Variants in GRM8 observed in about 807,000 individuals in gnomAD.
GRM8 encodes metabotropic glutamate receptor 8.
GRM8 carries 47 observed loss-of-function variants against 87.2 expected under a neutral mutation model. The observed-to-expected ratio is 0.54, with a 90% CI of 0.43 to 0.69. GRM8 has a LOEUF of 0.69. Among genes scored for constraint, GRM8 ranks in the 30% least tolerant of loss-of-function variants. The pLI is 0.00. For synonymous variants in GRM8, 396 were observed against 404.5 expected (o/e 0.98, Z 0.25); for missense variants, 1,019 against 1,139.2 (o/e 0.89, Z 1.52).
At chr7:127,010,892 AAGAG>A (rs899875753) in intron 3 of GRM8, among the ~76,000 whole-genome samples, 8 of 152,096 alleles carry the variant, frequency 5.3e-5, no homozygotes, top group African/African-American at 1.4e-4. Context: ...TAATGAAAGA[AAGAG>A]AAAGAGGAGC....
At chr7:126,940,805 T>G (rs1806840378) in intron 3 of GRM8, among the ~76,000 whole-genome samples, 2 of 152,192 alleles carry the variant, frequency 1.3e-5, no homozygotes, top group African/African-American at 4.8e-5. Context: ...GCTTTTGGAT[T>G]TGTCCAGCTG....
At chr7:126,974,958 A>C (rs1013094838) in intron 3 of GRM8, among the ~76,000 whole-genome samples, 1 of 150,008 alleles carries the variant, frequency 6.7e-6, no homozygotes, top group Non-Finnish European at 1.5e-5. Context: ...AAAAAAAAAA[A>C]AAAAAAAAAA....
chr7:127,098,522 AC>A (rs1356855374), intron 3 of GRM8, among the ~76,000 whole-genome samples: 3 of 152,122 alleles, frequency 2.0e-5, no homozygotes, highest in Non-Finnish European at 2.9e-5. Context: ...ATCAGTGAAC[AC>A]GTTTCAATTG....
intron 9 of GRM8, among the ~76,000 whole-genome samples, chr7:126,527,991 G>T (rs1231934178): frequency 6.6e-6 from 1 of 152,170 alleles, no homozygotes; most frequent in East Asian, 1.9e-4. Context: ...GGATCATGAG[G>T]TCAAGAGATT....
chr7:126,475,504 T>C (rs1429317090), intron 9 of GRM8, among the ~76,000 whole-genome samples: 7 of 152,034 alleles, frequency 4.6e-5, no homozygotes, highest in Non-Finnish European at 8.8e-5. Flanking sequence ...TGTTCATGAA[T>C]TGGAATAATT....
At chr7:127,184,114 A>G (rs913992127) in intron 2 of GRM8, among the ~76,000 whole-genome samples, 5 of 151,894 alleles carry the variant, frequency 3.3e-5, no homozygotes, top group African/African-American at 1.2e-4. Context: ...AATTTCCACT[A>G]TCTCTTACAG....
chr7:126,979,365 C>T (rs935386379), intron 3 of GRM8, among the ~76,000 whole-genome samples: 1 of 152,130 alleles, frequency 6.6e-6, no homozygotes, highest in Non-Finnish European at 1.5e-5. Context: ...AAATTAGATA[C>T]ACATGATAAA....
At position 126,800,675 on chromosome 7, in the gene GRM8, A is replaced by AGT. The variant is rs1353373251; in HGVS notation, c.1157-30612_1157-30611dup. ...CCCAGCCAATAATTTGGGGAGAAAAAGTGTTCAATCCTTTTCTCAAATGTA... is the reference window on the plus strand; with the variant it reads ...CCCAGCCAATAATTTGGGGAGAAAAAGTGTGTTCAATCCTTTTCTCAAATGTA... On this transcript the variant is annotated intron_variant, in intron 6 of 10. Coordinates refer to ENST00000339582, the MANE Select transcript of GRM8 (RefSeq NM_000845.3). 2.6e-5 allele frequency among the ~76,000 whole-genome samples: 4 copies of AGT among 152,238 alleles called. No homozygotes were observed. In the East Asian group the frequency reaches 5.8e-4, roughly 22 times the overall value.
Position 126,533,262 on chromosome 7 carries a change from A to T in GRM8, c.2120T>A (p.Leu707His). The change falls in exon 9 of 11, where the codon CTC (leucine) becomes CAC (histidine). Residue 707 changes from leucine (L) to histidine (H), a missense_variant. Leu to His is a moderately conservative substitution (Grantham distance 99, BLOSUM62 -3). Coordinates refer to ENST00000339582, the MANE Select transcript of GRM8 (RefSeq NM_000845.3). Reference sequence around the variant, plus strand: ...AACAAACCAGACAAACACTCCAAGGAGCTGGACGGAGATGAGGCTGAAGGT... The same window carrying T: ...AACAAACCAGACAAACACTCCAAGGTGCTGGACGGAGATGAGGCTGAAGGT... ...VITFSLISVQLLGVFVWFVVD... is the reference protein window; with the variant it reads ...VITFSLISVQHLGVFVWFVVD... 6.2e-7 allele frequency: 1 copy of T among 1,613,618 alleles called. No homozygotes were observed. Among genetic ancestry groups the T allele is most frequent in the Non-Finnish European group, 8.5e-7 (1 of 1,179,930 alleles).
chr7:126,475,363 A>G (rs1026191031), intron 9 of GRM8, among the ~76,000 whole-genome samples: 3 of 152,110 alleles, frequency 2.0e-5, no homozygotes, highest in Admixed American at 2.0e-4. Context: ...AAAAAATTCT[A>G]TGTGCCATCA....
At chr7:126,596,401 A>G (rs1462491753) in intron 8 of GRM8, among the ~76,000 whole-genome samples, 2 of 152,114 alleles carry the variant, frequency 1.3e-5, no homozygotes, top group Non-Finnish European at 2.9e-5. Context: ...CATTTCTCTA[A>G]TGATTAGTAA....
At chr7:126,623,560 C>T (rs1186359408) in intron 7 of GRM8, among the ~76,000 whole-genome samples, 1 of 152,166 alleles carries the variant, frequency 6.6e-6, no homozygotes, top group Non-Finnish European at 1.5e-5. Context: ...ATTTCAGCAG[C>T]CACTGCTCCC....
intron 2 of GRM8, among the ~76,000 whole-genome samples, chr7:127,120,512 T>C (rs1466443709): frequency 6.6e-6 from 1 of 152,178 alleles, no homozygotes; most frequent in Non-Finnish European, 1.5e-5. Flanking sequence ...CCAGACCTAC[T>C]GAATGAGACT....
At chr7:127,166,499 G>A (rs1001964022) in intron 2 of GRM8, among the ~76,000 whole-genome samples, 1 of 152,168 alleles carries the variant, frequency 6.6e-6, no homozygotes, top group African/African-American at 2.4e-5. Flanking sequence ...TTTTCAGCTT[G>A]TTGCAGGGTC....
rs1827307014 is a variant in GRM8 at position 127,125,435 on chromosome 7, A to T, written c.511-18723T>A. ...ACACTTGATTCTCATACCATGCATA[A>T]AAATTAGTCAAAGTGGACAACTGAC... On this transcript the variant is annotated intron_variant, in intron 2 of 10. Transcript: ENST00000339582. Among the ~76,000 whole-genome samples, 3 of 152,026 alleles carry T rather than the reference A, an allele frequency of 2.0e-5. No homozygotes were observed. In the South Asian group the frequency reaches 6.2e-4, roughly 31 times the overall value.
chr7:126,957,286 TA>T lies in GRM8; in HGVS notation c.728-52604del, dbSNP rs529873802. ...CTTCCACTTTCCCCCAACAATTACA[TA>T]ACCATGAGGTCTCTTCCTGATGGCA... On this transcript the variant is annotated intron_variant, in intron 3 of 10. Coordinates refer to ENST00000339582, the MANE Select transcript of GRM8 (RefSeq NM_000845.3). 1.9e-4 allele frequency among the ~76,000 whole-genome samples: 29 copies of T among 152,290 alleles called. 1 individual carries two copies. In the South Asian group the frequency reaches 6.0e-3, roughly 32 times the overall value.
chr7:126,715,832 C>T (rs1361829287), intron 7 of GRM8, among the ~76,000 whole-genome samples: 1 of 152,178 alleles, frequency 6.6e-6, no homozygotes, highest in East Asian at 1.9e-4. Context: ...CCTATCTTTT[C>T]AAATACCCTT....
chr7:127,192,913 T>C (rs931679234), intron 2 of GRM8, among the ~76,000 whole-genome samples: 1 of 152,162 alleles, frequency 6.6e-6, no homozygotes, highest in African/African-American at 2.4e-5. Flanking sequence ...GTATCTCATG[T>C]TTCCCACCTT....
intron 2 of GRM8, among the ~76,000 whole-genome samples, chr7:127,223,485 AC>A (rs1797099129): frequency 2.1e-5 from 3 of 145,422 alleles, no homozygotes; most frequent in Non-Finnish European, 4.5e-5. Context: ...ACACACACAC[AC>A]AAAACTGTGG....
Sources: gnomAD v4.1 joint callset for allele counts (sites outside exome capture counted in the v4.1 genomes callset) on GRCh38, gnomAD v4.1.1 for gene constraint, MANE v1.5 for transcripts, NCBI Gene and HGNC (gene_info 2026-07-23, HGNC 2026-07-21) for gene names.